Variants in CDH10 observed in about 807,000 individuals in gnomAD.
CDH10 encodes cadherin 10.
In CDH10, 30 loss-of-function variants were observed where a neutral mutation model predicts 73.1. The observed-to-expected ratio is 0.41, with a 90% CI of 0.31 to 0.56. The LOEUF is 0.56. Among genes scored for constraint, CDH10 ranks in the 20% least tolerant of loss-of-function variants. The pLI, the probability that CDH10 is intolerant of heterozygous loss-of-function variation, is 0.27. For synonymous variants in CDH10, 345 were observed against 348.2 expected, an observed-to-expected ratio of 0.99 and a Z score of 0.10; for missense variants, 815 against 973.7, an observed-to-expected ratio of 0.84 and a Z score of 2.17.
intron 11 of CDH10, among the ~76,000 whole-genome samples, chr5:24,488,800 CCA>C (rs1491221964): frequency 6.5e-5 from 9 of 139,044 alleles, no homozygotes; most frequent in African/African-American, 1.1e-4. Context: ...GACCCCCCCC[CCA>C]AAAAAAATTG....
chr5:24,557,507 G>GCCCCCTTCACATAA (rs1744810986), intron 2 of CDH10, among the ~76,000 whole-genome samples: 1 of 151,364 alleles, frequency 6.6e-6, no homozygotes, highest in African/African-American at 2.4e-5. Flanking sequence ...GTGATCCTCA[G>GCCCCCTTCACATAA]CCCCCTTCAC....
chr5:24,553,145 T>G (rs1357847946), intron 2 of CDH10, among the ~76,000 whole-genome samples: 1 of 152,202 alleles, frequency 6.6e-6, no homozygotes, highest in Non-Finnish European at 1.5e-5. Context: ...CTTCTTCTTC[T>G]TAATATTGCT....
intron 2 of CDH10, among the ~76,000 whole-genome samples, chr5:24,559,556 A>C (rs1229632039): frequency 1.3e-5 from 2 of 152,062 alleles, no homozygotes; most frequent in Non-Finnish European, 2.9e-5. Context: ...GAGAAAATTG[A>C]AAATGTTTTT....
intron 7 of CDH10, among the ~76,000 whole-genome samples, chr5:24,507,565 C>G (rs917466428): frequency 6.6e-6 from 1 of 151,662 alleles, no homozygotes; most frequent in Non-Finnish European, 1.5e-5. Flanking sequence ...GGAGAAATAT[C>G]TTGGTATTAC....
rs70965605 is a variant in CDH10, at chr5:24,504,506, CTTTTTTTTTTTTTT to C, written c.1393+592_1393+605del. Among the ~76,000 whole-genome samples the C allele has an allele frequency of 9.2e-4, 60 of 65,162 alleles. 4 individuals carry two copies. The highest frequency in any genetic ancestry group is 4.9e-3 in the East Asian group (9 of 1,840). The allele number at this position is 65,162 out of a possible 152,430, so 42.7% of individuals were successfully genotyped here. A position where few individuals can be genotyped will look rare whatever the true frequency, so the allele number is the denominator to read the frequency against. ...TATTAAATGCTTTTCTCCTATTAAT[CTTTTTTTTTTTTTT>C]TTTTTTTTTTTTTTTTTTTTTTTAA... On this transcript the variant is annotated intron_variant, in intron 8 of 11. Coordinates refer to ENST00000264463, the MANE Select transcript of CDH10 (RefSeq NM_006727.5).
chr5:24,630,063 T>C (rs1268732531), intron 1 of CDH10, among the ~76,000 whole-genome samples: 4 of 152,148 alleles, frequency 2.6e-5, no homozygotes, highest in Non-Finnish European at 5.9e-5. Flanking sequence ...TGGGAGATAC[T>C]AGGCTGTGAG....
chr5:24,587,841 T>C (rs1746074025), intron 2 of CDH10, among the ~76,000 whole-genome samples: 1 of 152,198 alleles, frequency 6.6e-6, no homozygotes, highest in Non-Finnish European at 1.5e-5. Flanking sequence ...CTGAATACTT[T>C]GCTAAAATGA....
chr5:24,635,245 G>T (rs1187999726), intron 1 of CDH10, among the ~76,000 whole-genome samples: 1 of 151,860 alleles, frequency 6.6e-6, no homozygotes, highest in East Asian at 1.9e-4. Context: ...AACGTTAATG[G>T]AATAATTTCT....
intron 2 of CDH10, among the ~76,000 whole-genome samples, chr5:24,539,065 G>C (rs998952609): frequency 5.3e-5 from 8 of 151,804 alleles, no homozygotes; most frequent in Admixed American, 1.3e-4. Context: ...TTTATTATAA[G>C]ACATCATTAT....
At chr5:24,545,519 C>T (rs1744307384) in intron 2 of CDH10, among the ~76,000 whole-genome samples, 1 of 152,074 alleles carries the variant, frequency 6.6e-6, no homozygotes, top group Non-Finnish European at 1.5e-5. Flanking sequence ...TAAGTATTCA[C>T]TAAGGAGCCT....
At chr5:24,535,488 G>A (rs755261275) in intron 4 of CDH10, among the ~76,000 whole-genome samples, 1 of 151,984 alleles carries the variant, frequency 6.6e-6, no homozygotes, top group Non-Finnish European at 1.5e-5. Flanking sequence ...CATGTGCTTT[G>A]AGTGGCCTAT....
chr5:24,487,841 T>C lies in CDH10; in HGVS notation c.2189A>G (p.Tyr730Cys), dbSNP rs1232692431. Residue 730 changes from tyrosine (Y) to cysteine (C), a missense_variant, in exon 12 of 12, where the codon TAC (tyrosine) becomes TGC (cysteine). Coordinates refer to ENST00000264463, the MANE Select transcript of CDH10 (RefSeq NM_006727.5). ...EHDLDPTAPPYDSLATYAYEG... is the reference protein window; with the variant it reads ...EHDLDPTAPPCDSLATYAYEG... Reference sequence around the variant, plus strand: ...ATAGGCATAGGTTGCAAGTGAGTCGTAGGGGGGTGCGGTGGGGTCAAGATC... The same window carrying C: ...ATAGGCATAGGTTGCAAGTGAGTCGCAGGGGGGTGCGGTGGGGTCAAGATC... 1 of 1,613,862 alleles carries C rather than the reference T, an allele frequency of 6.2e-7. No individual in the cohort carries two copies. Among genetic ancestry groups the C allele is most frequent in the Non-Finnish European group, 8.5e-7 (1 of 1,179,906 alleles).
At chr5:24,570,749 T>C (rs1745347075) in intron 2 of CDH10, among the ~76,000 whole-genome samples, 1 of 152,028 alleles carries the variant, frequency 6.6e-6, no homozygotes, top group Non-Finnish European at 1.5e-5. Flanking sequence ...ATAAAGAAAA[T>C]GTCTGCTTAT....
At chr5:24,555,438 A>T (rs1744732025) in intron 2 of CDH10, among the ~76,000 whole-genome samples, 1 of 152,118 alleles carries the variant, frequency 6.6e-6, no homozygotes, top group Non-Finnish European at 1.5e-5. Flanking sequence ...GCCACTAAAG[A>T]CACAATGAGC....
intron 2 of CDH10, among the ~76,000 whole-genome samples, chr5:24,573,715 AG>A (rs1745487081): frequency 6.7e-6 from 1 of 149,188 alleles, no homozygotes; most frequent in Admixed American, 6.7e-5. Flanking sequence ...AAAAAAAAAA[AG>A]AAAGAAACAG....
At chr5:24,598,439 G>C (rs1746446415) in intron 1 of CDH10, among the ~76,000 whole-genome samples, 1 of 150,826 alleles carries the variant, frequency 6.6e-6, no homozygotes, top group South Asian at 2.1e-4. Context: ...GCAATATAGA[G>C]AATAATGCAA....
intron 2 of CDH10, among the ~76,000 whole-genome samples, chr5:24,592,543 T>C (rs1028024789): frequency 6.6e-6 from 1 of 151,862 alleles, no homozygotes; most frequent in Non-Finnish European, 1.5e-5. Context: ...TACAACATAG[T>C]GTGTAAAAGC....
At chr5:24,589,188 G>C (rs1746120906) in intron 2 of CDH10, among the ~76,000 whole-genome samples, 1 of 152,116 alleles carries the variant, frequency 6.6e-6, no homozygotes, top group Admixed American at 6.6e-5. Context: ...TGCATAGTGG[G>C]TGTTTGGAGC....
intron 7 of CDH10, among the ~76,000 whole-genome samples, chr5:24,505,500 T>C (rs1442781989): frequency 6.6e-6 from 1 of 152,220 alleles, no homozygotes; most frequent in East Asian, 1.9e-4. Context: ...TTGTCTATTG[T>C]CATATTCATT....
Sources: allele counts gnomAD v4.1 joint callset (sites outside exome capture counted in the v4.1 genomes callset), GRCh38; gene constraint gnomAD v4.1.1; transcripts MANE v1.5; gene names NCBI Gene and HGNC (gene_info 2026-07-23, HGNC 2026-07-21).